LAMA2: variants seen among roughly 807,000 people sequenced by gnomAD.
LAMA2 encodes the protein laminin subunit alpha-2.
LAMA2 carries 269 observed loss-of-function variants against 364.8 expected under a neutral mutation model. The ratio of observed to expected loss-of-function variants is 0.74; its 90% CI spans 0.67 to 0.82. LAMA2 has a LOEUF of 0.82. LAMA2 is among the 40% of genes least tolerant of loss of function. The pLI is 0.00. For missense variants in LAMA2, 3,807 were observed against 3,873.2 expected (o/e 0.98, Z 0.45); for synonymous variants, 1,379 against 1,370.6 (o/e 1.01, Z -0.14).
chr6:129,141,980 T>C (rs776689786), intron 4 of LAMA2, among the ~76,000 whole-genome samples: 2 of 152,086 alleles, frequency 1.3e-5, no homozygotes, highest in Non-Finnish European at 2.9e-5. Context: ...TAGGTAATAA[T>C]AATCCATTTA....
At chr6:129,378,458 G>T (rs1220664358) in intron 34 of LAMA2, among the ~76,000 whole-genome samples, 1 of 152,056 alleles carries the variant, frequency 6.6e-6, no homozygotes, top group Non-Finnish European at 1.5e-5. Flanking sequence ...GTCTCTCGTG[G>T]GTATTTTTGA....
At chr6:128,912,446 A>C (rs1423728038) in intron 1 of LAMA2, among the ~76,000 whole-genome samples, 1 of 152,224 alleles carries the variant, frequency 6.6e-6, no homozygotes, top group Admixed American at 6.5e-5. Context: ...TGAGATTTCT[A>C]TAAAATTCTT....
chr6:129,060,954 A>G (rs1325779088), intron 3 of LAMA2, among the ~76,000 whole-genome samples: 3 of 152,184 alleles, frequency 2.0e-5, no homozygotes, highest in Non-Finnish European at 4.4e-5. Flanking sequence ...TTATATCACC[A>G]AATGGCATGG....
chr6:128,909,056 G>C (rs756340713), intron 1 of LAMA2, among the ~76,000 whole-genome samples: 20 of 147,762 alleles, frequency 1.4e-4, no homozygotes, highest in South Asian at 8.8e-4. Context: ...TTACTTCCAA[G>C]TATGTGGTCA....
At chr6:129,313,375 A>G (rs1774355217) in intron 23 of LAMA2, among the ~76,000 whole-genome samples, 1 of 152,174 alleles carries the variant, frequency 6.6e-6, no homozygotes, top group Non-Finnish European at 1.5e-5. Context: ...TTTAAAAAAT[A>G]TATTAGATTT....
In LAMA2 at chr6:129,023,942, T is replaced by C. The variant is rs540506274; in HGVS notation, c.113-25976T>C. Among the ~76,000 whole-genome samples the C allele has an allele frequency of 9.2e-5, 14 of 152,314 alleles. No homozygotes were observed. In the South Asian group the frequency reaches 2.7e-3, roughly 29 times the overall value. On this transcript the variant is annotated intron_variant, in intron 1 of 64. Coordinates refer to ENST00000421865, the MANE Select transcript of LAMA2 (RefSeq NM_000426.4). Reference sequence around the variant, plus strand: ...TCAGTCCATTTTTGTTGTTGTTGTTTTGGTTTGGTTTTAGAGACGAGGCAG... The same window carrying C: ...TCAGTCCATTTTTGTTGTTGTTGTTCTGGTTTGGTTTTAGAGACGAGGCAG...
chr6:128,928,378 G>A (rs1288561820), intron 1 of LAMA2, among the ~76,000 whole-genome samples: 2 of 151,990 alleles, frequency 1.3e-5, no homozygotes, highest in African/African-American at 4.8e-5. Flanking sequence ...TAATGAGTAG[G>A]TAAATCATAG....
chr6:129,050,202 C>G, intron 2 of LAMA2, 114 bp downstream of exon 2: 3 of 1,067,948 alleles, frequency 2.8e-6, no homozygotes, highest in East Asian at 2.5e-5. Context: ...TCCTAGAATT[C>G]TTTTTACCAT....
chr6:129,137,233 T>C (rs1777847523), intron 4 of LAMA2, among the ~76,000 whole-genome samples: 1 of 151,704 alleles, frequency 6.6e-6, no homozygotes, highest in South Asian at 2.1e-4. Context: ...TATTTGGTCG[T>C]GTAAATTTCT....
intron 12 of LAMA2, among the ~76,000 whole-genome samples, chr6:129,244,175 G>A (rs543739044): frequency 6.6e-6 from 1 of 152,164 alleles, no homozygotes; most frequent in South Asian, 2.1e-4. Flanking sequence ...AATTCTGCCT[G>A]TTTTCTAATT....
chr6:129,473,277 G>A lies in LAMA2; in HGVS notation c.7364G>A (p.Gly2455Glu). The change falls in exon 52 of 65, where the codon GGA becomes GAA. Residue 2455 changes from glycine to glutamate, a missense_variant. By Grantham distance (98) the Gly-to-Glu change is moderately conservative. This residue lies in a region of LAMA2 where 3,333 missense variants were observed against 3,345.7 expected (regional missense o/e 1.00). Transcript: ENST00000421865. ...QEENIATSSS[G>E]NNFGLDLKAD... ...GAGAATATAGCAACTTCGTCTTCTGGAAACAACTTTGGTCTTGACTTGAAA... is the reference window on the plus strand; with the variant it reads ...GAGAATATAGCAACTTCGTCTTCTGAAAACAACTTTGGTCTTGACTTGAAA... The A allele has an allele frequency of 3.1e-6, 5 of 1,611,580 alleles. No homozygotes were observed. Among genetic ancestry groups the A allele is most frequent in the Non-Finnish European group, 4.2e-6 (5 of 1,178,212 alleles).
chr6:128,948,779 C>T (rs1012313858), intron 1 of LAMA2, among the ~76,000 whole-genome samples: 14 of 152,242 alleles, frequency 9.2e-5, no homozygotes, highest in Non-Finnish European at 1.9e-4. Flanking sequence ...TCCCCCTGCT[C>T]TCTCTTGCTC....
At chr6:129,479,296 A>C (rs1417489349) in intron 54 of LAMA2, among the ~76,000 whole-genome samples, 1 of 152,172 alleles carries the variant, frequency 6.6e-6, no homozygotes, top group Non-Finnish European at 1.5e-5. Flanking sequence ...TGTCTTTGAA[A>C]TAACATAGAC....
At chr6:129,051,647 A>C (rs1198816333) in intron 2 of LAMA2, among the ~76,000 whole-genome samples, 1 of 148,038 alleles carries the variant, frequency 6.8e-6, no homozygotes, top group Non-Finnish European at 1.5e-5. Context: ...GTAGAGAGAT[A>C]TATTTTACAT....
chr6:129,260,861 T>C, intron 15 of LAMA2, 39 bp downstream of exon 15: 1 of 1,183,894 alleles, frequency 8.4e-7, no homozygotes, highest in Non-Finnish European at 1.3e-6. Flanking sequence ...CTTTCAAAGT[T>C]CCCTCAACAT....
intron 1 of LAMA2, among the ~76,000 whole-genome samples, chr6:128,884,938 C>T (rs1460484828): frequency 6.6e-6 from 1 of 152,158 alleles, no homozygotes; most frequent in Non-Finnish European, 1.5e-5. Flanking sequence ...TTATCCTGAA[C>T]ACACACAGGA....
At chr6:128,932,492 C>G (rs758727632) in intron 1 of LAMA2, among the ~76,000 whole-genome samples, 19 of 152,104 alleles carry the variant, frequency 1.2e-4, no homozygotes, top group Admixed American at 7.9e-4. Context: ...TACAGAGAAG[C>G]GTAACAGAGC....
intron 3 of LAMA2, among the ~76,000 whole-genome samples, chr6:129,082,115 C>G (rs1490386753): frequency 6.6e-6 from 1 of 151,962 alleles, no homozygotes; most frequent in African/African-American, 2.4e-5. Context: ...ATATATTATC[C>G]TATTTAAATG....
In LAMA2 at chr6:129,370,035, G is replaced by A. The variant is rs750825990; in HGVS notation, c.4959+45G>A. On this transcript the variant is annotated intron_variant, in intron 34 of 64. Transcript: ENST00000421865. Reference sequence around the variant, plus strand: ...AATCTTCTGAAAGCAGATAGATTATGTCAATGAAGGAAAATTACTTCAAAG... The same window carrying A: ...AATCTTCTGAAAGCAGATAGATTATATCAATGAAGGAAAATTACTTCAAAG... 2.0e-6 allele frequency: 3 copies of A among 1,469,106 alleles called. 1 individual carries two copies. In the South Asian group the frequency reaches 3.4e-5, roughly 17 times the overall value. The allele number at this position is 1,469,106 out of a possible 1,614,324, so 91.0% of individuals were successfully genotyped here.
Sources: allele counts gnomAD v4.1 joint callset (sites outside exome capture counted in the v4.1 genomes callset), GRCh38; gene constraint gnomAD v4.1.1; regional missense constraint gnomAD v4.1.1; transcripts MANE v1.5; gene names NCBI Gene and HGNC (gene_info 2026-07-23, HGNC 2026-07-21).